MYO3A: variants seen among roughly 807,000 people sequenced by gnomAD.
The protein encoded by MYO3A is myosin IIIA.
Under a neutral mutation model 192.7 loss-of-function variants are expected in MYO3A, and 180 were observed. The observed-to-expected ratio is 0.93, with a 90% CI of 0.83 to 1.06. MYO3A has a LOEUF of 1.06. MYO3A is among the 50% of genes least tolerant of loss of function. The pLI is 0.00. For synonymous variants in MYO3A, 628 were observed against 645.3 expected, an observed-to-expected ratio of 0.97 and a Z score of 0.41; for missense variants, 1,896 against 1,905.0, an observed-to-expected ratio of 1.00 and a Z score of 0.09.
intron 6 of MYO3A, among the ~76,000 whole-genome samples, chr10:26,005,327 A>G (rs559813061): frequency 3.7e-4 from 57 of 152,268 alleles, no homozygotes; most frequent in African/African-American, 1.1e-3. Context: ...AAAAAATGTT[A>G]AGTTCATGAA....
At chr10:26,100,794 C>T (rs1473227577) in intron 17 of MYO3A, among the ~76,000 whole-genome samples, 1 of 152,130 alleles carries the variant, frequency 6.6e-6, no homozygotes, top group Non-Finnish European at 1.5e-5. Flanking sequence ...TTTACATTTC[C>T]TGAGGAGTGC....
At chr10:26,075,750 G>A (rs944610764) in intron 14 of MYO3A, among the ~76,000 whole-genome samples, 1 of 136,186 alleles carries the variant, frequency 7.3e-6, no homozygotes, top group Admixed American at 7.4e-5. Flanking sequence ...TCATATATAT[G>A]ATATATATAT....
chr10:26,128,459 C>T lies in MYO3A; in HGVS notation c.2183C>T (p.Ser728Phe), dbSNP rs761351165. ...GGCTTTGAAAATTTCAAAAAAAATTCCTTCGAGCAGCTGTGCATTAACATT... is the reference window on the plus strand; with the variant it reads ...GGCTTTGAAAATTTCAAAAAAAATTTCTTCGAGCAGCTGTGCATTAACATT... ...IFGFENFKKN[S>F]FEQLCINIAN... Residue 728 changes from serine to phenylalanine, a missense_variant, in exon 20 of 35, where the codon TCC (serine) becomes TTC (phenylalanine). Physicochemically the swap from Ser to Phe is radical, Grantham distance 155 (BLOSUM62 -2). Coordinates refer to ENST00000642920, the MANE Select transcript of MYO3A (RefSeq NM_017433.5). The T allele has an allele frequency of 1.9e-6, 3 of 1,612,300 alleles. No individual in the cohort carries two copies. Among genetic ancestry groups the T allele is most frequent in the African/African-American group, 2.7e-5 (2 of 74,980 alleles).
intron 17 of MYO3A, among the ~76,000 whole-genome samples, chr10:26,105,104 G>C (rs1010973300): frequency 5.3e-5 from 8 of 151,990 alleles, no homozygotes; most frequent in African/African-American, 1.9e-4. Flanking sequence ...AATTTATTCA[G>C]CCGTTCAGCC....
intron 27 of MYO3A, among the ~76,000 whole-genome samples, chr10:26,167,296 A>AT (rs1161584190): frequency 1.3e-5 from 2 of 148,512 alleles, no homozygotes; most frequent in African/African-American, 5.1e-5. Flanking sequence ...AATTTAAGAG[A>AT]TTTAAAAAAA....
chr10:26,121,787 C>T (rs943466395), intron 18 of MYO3A, among the ~76,000 whole-genome samples: 2 of 152,162 alleles, frequency 1.3e-5, no homozygotes, highest in Middle Eastern at 3.4e-3. Flanking sequence ...AATCATGATA[C>T]AAATTTTTAT....
chr10:26,205,497 T>C (rs1278061492), intron 34 of MYO3A, among the ~76,000 whole-genome samples: 1 of 149,236 alleles, frequency 6.7e-6, no homozygotes, highest in Non-Finnish European at 1.5e-5. Flanking sequence ...GGCTTCCATG[T>C]ATAAGTGAGA....
intron 4 of MYO3A, among the ~76,000 whole-genome samples, chr10:25,980,644 A>G (rs1839272197): frequency 6.6e-6 from 1 of 152,142 alleles, no homozygotes; most frequent in South Asian, 2.1e-4. Context: ...TTGAACTTGG[A>G]TTAATTTTGT....
intron 5 of MYO3A, 139 bp downstream of exon 5, chr10:25,996,733 G>T: frequency 1.3e-6 from 1 of 747,290 alleles, no homozygotes; most frequent in Non-Finnish European, 2.3e-6. Flanking sequence ...AATCTGACAT[G>T]TTCAGCATAG....
At chr10:26,075,642 G>A (rs1835495256) in intron 14 of MYO3A, among the ~76,000 whole-genome samples, 1 of 136,398 alleles carries the variant, frequency 7.3e-6, no homozygotes, top group South Asian at 2.3e-4. Flanking sequence ...TCTCATATAT[G>A]ATATATATGT....
At chr10:26,207,950 C>T (rs1157541305) in intron 34 of MYO3A, among the ~76,000 whole-genome samples, 3 of 152,144 alleles carry the variant, frequency 2.0e-5, no homozygotes, top group Non-Finnish European at 2.9e-5. Context: ...CAATTTTGTT[C>T]ATCAATGCTT....
At chr10:26,043,062 T>C (rs1459004716) in intron 10 of MYO3A, among the ~76,000 whole-genome samples, 1 of 152,148 alleles carries the variant, frequency 6.6e-6, no homozygotes, top group Non-Finnish European at 1.5e-5. Context: ...TGCAGACTCA[T>C]AGAAGTACTT....
At chr10:25,988,757 A>G (rs1839815839) in intron 4 of MYO3A, among the ~76,000 whole-genome samples, 1 of 152,136 alleles carries the variant, frequency 6.6e-6, no homozygotes, top group Non-Finnish European at 1.5e-5. Context: ...AAAGGAATTA[A>G]AAAACCCATT....
chr10:26,057,198 A>C (rs1347039562), intron 10 of MYO3A, among the ~76,000 whole-genome samples: 1 of 152,242 alleles, frequency 6.6e-6, no homozygotes, highest in Non-Finnish European at 1.5e-5. Context: ...TTGTCCTTTG[A>C]AAAGTTGACA....
chr10:25,949,695 A>G lies in MYO3A; in HGVS notation c.-17-2399A>G, dbSNP rs576184311. Among the ~76,000 whole-genome samples, 88 of 152,284 alleles carry G rather than the reference A, an allele frequency of 5.8e-4. No homozygotes were observed. In the South Asian group the frequency reaches 0.018, roughly 30 times the overall value. Reference sequence around the variant, plus strand: ...TTTACTCGATAATGTGCCCGTAAGTATAATGAATCAGAATATGCTCTTTAT... The same window carrying G: ...TTTACTCGATAATGTGCCCGTAAGTGTAATGAATCAGAATATGCTCTTTAT... On this transcript the variant is annotated intron_variant, in intron 2 of 34. Coordinates refer to ENST00000642920, the MANE Select transcript of MYO3A (RefSeq NM_017433.5).
intron 10 of MYO3A, among the ~76,000 whole-genome samples, chr10:26,036,856 C>G (rs1843067274): frequency 6.6e-6 from 1 of 152,212 alleles, no homozygotes; most frequent in Non-Finnish European, 1.5e-5. Context: ...TCATTCTGTT[C>G]TTGGGAATAT....
chr10:26,203,411 A>G (rs1157181313), intron 34 of MYO3A, among the ~76,000 whole-genome samples: 5 of 152,184 alleles, frequency 3.3e-5, no homozygotes, highest in African/African-American at 1.2e-4. Context: ...TGGTCATCTG[A>G]TTGTAAGCAA....
chr10:26,177,713 A>G (rs1842402476), intron 31 of MYO3A, among the ~76,000 whole-genome samples: 1 of 152,144 alleles, frequency 6.6e-6, no homozygotes. Flanking sequence ...GCCCTCCGCA[A>G]TCTCACTGCC....
chr10:26,021,802 T>C lies in MYO3A; in HGVS notation c.731+154T>C, dbSNP rs1477937146. On this transcript the variant is annotated intron_variant, in intron 8 of 34. Transcript: ENST00000642920. ...ATATTATTCTGCTTCTTCTGAGACATTGTATTTGTTCAGTAGTTGCATTTC... is the reference window on the plus strand; with the variant it reads ...ATATTATTCTGCTTCTTCTGAGACACTGTATTTGTTCAGTAGTTGCATTTC... 43 of 1,036,118 alleles carry C rather than the reference T, an allele frequency of 4.2e-5. No homozygotes were observed. The East Asian group carries it at 1.1e-3, about 26-fold the overall frequency. The allele number at this position is 1,036,118 out of a possible 1,614,324, so 64.2% of individuals were successfully genotyped here.
Sources: gnomAD v4.1 joint callset for allele counts (sites outside exome capture counted in the v4.1 genomes callset) on GRCh38, gnomAD v4.1.1 for gene constraint, MANE v1.5 for transcripts, NCBI Gene and HGNC (gene_info 2026-07-23, HGNC 2026-07-21) for gene names.